HTRA1: variants seen among roughly 807,000 people sequenced by gnomAD.
HTRA1 encodes serine protease HTRA1.
HTRA1 carries 26 observed loss-of-function variants against 49.7 expected under a neutral mutation model. That is an observed-to-expected ratio of 0.52 (90% CI 0.38 to 0.73). The LOEUF (loss-of-function observed/expected upper bound fraction) is 0.73. Among genes scored for constraint, HTRA1 ranks in the 30% least tolerant of loss-of-function variants. The pLI, the probability that HTRA1 is intolerant of heterozygous loss-of-function variation, is 0.00. For synonymous variants in HTRA1, 291 were observed against 286.9 expected (o/e 1.01, Z -0.14); for missense variants, 561 against 667.2 (o/e 0.84, Z 1.75).
At chr10:122,497,185 G>A (rs1284104196) in intron 3 of HTRA1, among the ~76,000 whole-genome samples, 1 of 152,210 alleles carries the variant, frequency 6.6e-6, no homozygotes, top group South Asian at 2.1e-4. Flanking sequence ...TCTGATAATG[G>A]GAACATGTGA....
chr10:122,491,069 G>A (rs913743386), intron 3 of HTRA1, among the ~76,000 whole-genome samples: 4 of 152,178 alleles, frequency 2.6e-5, no homozygotes, highest in Admixed American at 2.0e-4. Flanking sequence ...AATTTCTAGC[G>A]ACAACTAATC....
chr10:122,472,536 C>T (rs2097486620), intron 1 of HTRA1, among the ~76,000 whole-genome samples: 1 of 152,002 alleles, frequency 6.6e-6, no homozygotes, highest in African/African-American at 2.4e-5. Context: ...GCTGGGATTA[C>T]AGGCCTGCAC....
chr10:122,504,099 C>T (rs1342955958), intron 3 of HTRA1, among the ~76,000 whole-genome samples: 1 of 152,160 alleles, frequency 6.6e-6, no homozygotes, highest in Non-Finnish European at 1.5e-5. Flanking sequence ...AGGCAGCGTC[C>T]CCTGGAGGCC....
rs970239525 is a variant in HTRA1, at chr10:122,510,285, A to G, written c.1178+132A>G. ...TCTCAGTTTCTGCTTATAATGAAGTAGCATCGGGAAAGAGGACAGGTCATT... is the reference window on the plus strand; with the variant it reads ...TCTCAGTTTCTGCTTATAATGAAGTGGCATCGGGAAAGAGGACAGGTCATT... On this transcript the variant is annotated intron_variant, in intron 7 of 8. Coordinates refer to ENST00000368984, the MANE Select transcript of HTRA1 (RefSeq NM_002775.5). 2 of 772,206 alleles carry G rather than the reference A, an allele frequency of 2.6e-6. 1 individual carries two copies. Among genetic ancestry groups the G allele is most frequent in the Admixed American group, 4.0e-5 (2 of 50,472 alleles). The allele number at this position is 772,206 out of a possible 1,614,324, so 47.8% of individuals were successfully genotyped here.
chr10:122,510,276 T>A (rs140521252), intron 7 of HTRA1, 123 bp downstream of exon 7: 559 of 801,544 alleles, frequency 7.0e-4, no homozygotes, highest in Middle Eastern at 4.6e-3. Flanking sequence ...TTTCTGCTTA[T>A]AATGAAGTAG....
chr10:122,498,593 C>T (rs2097499689), intron 3 of HTRA1, among the ~76,000 whole-genome samples: 1 of 152,046 alleles, frequency 6.6e-6, no homozygotes, highest in Non-Finnish European at 1.5e-5. Context: ...GTTCAGAACC[C>T]TGAATGGAAG....
intron 7 of HTRA1, among the ~76,000 whole-genome samples, chr10:122,511,762 A>G (rs1484423480): frequency 1.5e-5 from 2 of 129,890 alleles, no homozygotes; most frequent in Non-Finnish European, 3.6e-5. Flanking sequence ...AAAAAAATAA[A>G]TAAATAATAA....
At chr10:122,483,241 C>G (rs1195418049) in intron 1 of HTRA1, among the ~76,000 whole-genome samples, 1 of 152,106 alleles carries the variant, frequency 6.6e-6, no homozygotes, top group African/African-American at 2.4e-5. Flanking sequence ...AAGGAAGCAA[C>G]ATTTATGAAG....
chr10:122,510,837 A>G (rs942573366), intron 7 of HTRA1, among the ~76,000 whole-genome samples: 1 of 152,250 alleles, frequency 6.6e-6, no homozygotes, highest in African/African-American at 2.4e-5. Context: ...ACTATGATGA[A>G]TTAATGATTC....
chr10:122,498,337 A>G (rs985369910), intron 3 of HTRA1, among the ~76,000 whole-genome samples: 3 of 152,120 alleles, frequency 2.0e-5, no homozygotes, highest in Admixed American at 2.0e-4. Context: ...ACATGATGGC[A>G]ACTTGGTCAC....
Position 122,488,930 on chromosome 10 carries a change from T to C in HTRA1, c.501T>C (p.His167=). ...QGQEDPNSLR[H]KYNFIADVVE... ...AGGAAGATCCCAACAGTTTGCGCCATAAATATAACTTTATCGCGGACGTGG... is the reference window on the plus strand; with the variant it reads ...AGGAAGATCCCAACAGTTTGCGCCACAAATATAACTTTATCGCGGACGTGG... Residue 167 remains histidine, a synonymous_variant, in exon 2 of 9, where the codon CAT becomes CAC. Transcript: ENST00000368984. The C allele has an allele frequency of 6.2e-7, 1 of 1,614,204 alleles. No individual in the cohort carries two copies. Among genetic ancestry groups the C allele is most frequent in the Non-Finnish European group, 8.5e-7 (1 of 1,180,006 alleles).
At chr10:122,468,402 GTCATCATCA>G (rs148200348) in intron 1 of HTRA1, among the ~76,000 whole-genome samples, 28,785 of 148,506 alleles carry the variant, frequency 0.19, 3,075 homozygotes, top group East Asian at 0.45. Flanking sequence ...TGTTGTCATT[GTCATCATCA>G]TCATCATCAT....
chr10:122,470,177 G>T (rs189358444), intron 1 of HTRA1, among the ~76,000 whole-genome samples: 1 of 152,294 alleles, frequency 6.6e-6, no homozygotes, highest in Non-Finnish European at 1.5e-5. Context: ...AAGTGTTGAC[G>T]TCTCCTGAGT....
chr10:122,504,266 G>C (rs767429132), intron 3 of HTRA1, among the ~76,000 whole-genome samples: 4 of 152,222 alleles, frequency 2.6e-5, no homozygotes, highest in Non-Finnish European at 4.4e-5. Flanking sequence ...CGGTGGAAAA[G>C]AAGAGCTGGA....
intron 1 of HTRA1, among the ~76,000 whole-genome samples, chr10:122,473,954 C>A (rs940038361): frequency 6.6e-6 from 1 of 152,086 alleles, no homozygotes; most frequent in Non-Finnish European, 1.5e-5. Flanking sequence ...ACAGGGAGAC[C>A]AGACGTCTAT....
rs1262292377 is a variant in HTRA1 at position 122,494,397 on chromosome 10, G to A, written c.777+4771G>A. Among the ~76,000 whole-genome samples, 1 of 152,192 alleles carries A rather than the reference G, an allele frequency of 6.6e-6. No individual in the cohort carries two copies. The highest frequency in any genetic ancestry group is 1.5e-5 in the Non-Finnish European group (1 of 68,040). Reference sequence around the variant, plus strand: ...CGAGCTTCCCTCCTATATTCAATGAGGAAATGACCCTGCAGAAGGCTGGCT... The same window carrying A: ...CGAGCTTCCCTCCTATATTCAATGAAGAAATGACCCTGCAGAAGGCTGGCT... On this transcript the variant is annotated intron_variant, in intron 3 of 8. Transcript: ENST00000368984. This position sits in a 1 kb window ranked among gnomAD's most constrained non-coding sequence, Gnocchi z 4.0.
At chr10:122,467,473 T>G (rs2097484233) in intron 1 of HTRA1, among the ~76,000 whole-genome samples, 1 of 152,206 alleles carries the variant, frequency 6.6e-6, no homozygotes, top group African/African-American at 2.4e-5. Flanking sequence ...CATTCCTAAT[T>G]TAAAGCCTGG....
rs1335494983 is a variant in HTRA1 at position 122,494,806 on chromosome 10, CT to C, written c.777+5181del. 5.6e-4 allele frequency among the ~76,000 whole-genome samples: 85 copies of C among 152,312 alleles called. No homozygotes were observed. The highest frequency in any genetic ancestry group is 3.4e-3 in the Middle Eastern group (1 of 294). ...GCAGTGAGAAGGAAGGCCGACACCC[CT>C]GATCCTCATCAAGTTCAGACGGGGG... On this transcript the variant is annotated intron_variant, in intron 3 of 8. Transcript: ENST00000368984. This position sits in a 1 kb window ranked among gnomAD's most constrained non-coding sequence, Gnocchi z 4.0.
intron 3 of HTRA1, among the ~76,000 whole-genome samples, chr10:122,501,613 G>A (rs2097500896): frequency 6.6e-6 from 1 of 152,100 alleles, no homozygotes; most frequent in Non-Finnish European, 1.5e-5. Flanking sequence ...AGGCAAATTC[G>A]CAGGGTCCAA....
Sources: allele counts gnomAD v4.1 joint callset (sites outside exome capture counted in the v4.1 genomes callset), GRCh38; gene constraint gnomAD v4.1.1; non-coding constraint Gnocchi (gnomAD v3.1); transcripts MANE v1.5; gene names NCBI Gene and HGNC (gene_info 2026-07-23, HGNC 2026-07-21).